CFAP77: variants seen among roughly 807,000 people sequenced by gnomAD.
CFAP77 encodes cilia and flagella associated protein 77, also known as cilia- and flagella-associated protein 77.
CFAP77 carries 25 observed loss-of-function variants against 31.1 expected under a neutral mutation model. The observed-to-expected ratio is 0.80, with a 90% CI of 0.59 to 1.12. The LOEUF is 1.12. Ranked by LOEUF, CFAP77 falls within the 50% of genes most tolerant of loss-of-function variation. The pLI is 0.00. For missense variants in CFAP77, 377 were observed against 397.3 expected (o/e 0.95, Z 0.44); for synonymous variants, 151 against 159.9 (o/e 0.94, Z 0.42).
chr9:132,451,605 C>T (rs1222879354), intron 1 of CFAP77, among the ~76,000 whole-genome samples: 1 of 152,042 alleles, frequency 6.6e-6, no homozygotes, highest in Non-Finnish European at 1.5e-5. Context: ...CCATAGTTCT[C>T]TCCTCTTCAT....
At chr9:132,428,588 CTGAG>C in intron 1 of CFAP77, among the ~76,000 whole-genome samples, 1 of 152,120 alleles carries the variant, frequency 6.6e-6, no homozygotes, top group Non-Finnish European at 1.5e-5. Flanking sequence ...GCACTCCAGC[CTGAG>C]CGACAGAGCG....
chr9:132,498,659 A>G lies in CFAP77; in HGVS notation c.196-36A>G, dbSNP rs1851784638. Reference sequence around the variant, plus strand: ...TACAATACATTTGGTCTGAGACTCCACTCCTCACCTCTGCTCTCTGTCCTT... The same window carrying G: ...TACAATACATTTGGTCTGAGACTCCGCTCCTCACCTCTGCTCTCTGTCCTT... On this transcript the variant is annotated intron_variant, in intron 1 of 5. Transcript: ENST00000393216. This position sits in a 1 kb window ranked among gnomAD's most constrained non-coding sequence, Gnocchi z 4.2. The G allele has an allele frequency of 1.3e-6, 2 of 1,499,648 alleles. No homozygotes were observed. Among genetic ancestry groups the G allele is most frequent in the Non-Finnish European group, 1.8e-6 (2 of 1,086,034 alleles). 92.9% of individuals were successfully genotyped at this position (1,499,648 alleles called of 1,614,324 possible). A position where few individuals can be genotyped will look rare whatever the true frequency, so the allele number is the denominator to read the frequency against.
At chr9:132,512,595 C>A (rs577527071) in intron 3 of CFAP77, among the ~76,000 whole-genome samples, 3 of 152,142 alleles carry the variant, frequency 2.0e-5, no homozygotes, top group Admixed American at 1.3e-4. Flanking sequence ...GTCTTGCTAC[C>A]TGTTGGCCCC....
In CFAP77 at chr9:132,498,842, C is replaced by T; in HGVS notation, c.295+48C>T. 1 of 1,364,492 alleles carries T rather than the reference C, an allele frequency of 7.3e-7. No individual in the cohort carries two copies. Among genetic ancestry groups the T allele is most frequent in the Non-Finnish European group, 1.0e-6 (1 of 971,240 alleles). The allele number at this position is 1,364,492 out of a possible 1,614,324, so 84.5% of individuals were successfully genotyped here. The stretch of plus-strand genomic sequence containing the variant: ...TGAGGGCAGAGGAGTGGGAGGGAGG[C>T]TCACCCCTCTTCACAGACCCCTTGA... On this transcript the variant is annotated intron_variant, in intron 2 of 5. Transcript: ENST00000393216. This position sits in a 1 kb window ranked among gnomAD's most constrained non-coding sequence, Gnocchi z 4.2.
intron 1 of CFAP77, among the ~76,000 whole-genome samples, chr9:132,478,640 G>A (rs1318645389): frequency 2.0e-5 from 3 of 152,224 alleles, no homozygotes; most frequent in African/African-American, 7.2e-5. Context: ...AAGGCAGATG[G>A]GGCCCGGCGT....
At chr9:132,446,035 C>T (rs748059447) in intron 1 of CFAP77, among the ~76,000 whole-genome samples, 2 of 151,978 alleles carry the variant, frequency 1.3e-5, no homozygotes, top group Non-Finnish European at 2.9e-5. Context: ...TAGTGACAGG[C>T]GTTTGCTGTT....
intron 3 of CFAP77, among the ~76,000 whole-genome samples, chr9:132,536,725 T>C (rs1311800254): frequency 6.6e-6 from 1 of 152,112 alleles, no homozygotes; most frequent in Non-Finnish European, 1.5e-5. Flanking sequence ...GGTTTGGCCA[T>C]TGTCCATTTG....
chr9:132,489,183 T>G (rs1851614017), intron 1 of CFAP77, among the ~76,000 whole-genome samples: 1 of 152,058 alleles, frequency 6.6e-6, no homozygotes. Context: ...CACTAAGGAG[T>G]GCCTCTTAAA....
intron 1 of CFAP77, chr9:132,482,238 G>T: frequency 1.1e-6 from 1 of 899,036 alleles, no homozygotes. Flanking sequence ...TGCTCACTCA[G>T]GGTCTGCTGG....
At position 132,564,833 on chromosome 9, in the gene CFAP77, G is replaced by A. The variant is rs944469036; in HGVS notation, c.733-7555G>A. Among the ~76,000 whole-genome samples, 4 of 152,298 alleles carry A rather than the reference G, an allele frequency of 2.6e-5. No homozygotes were observed. Among genetic ancestry groups the A allele is most frequent in the South Asian group, 2.1e-4 (1 of 4,820 alleles). On this transcript the variant is annotated intron_variant, in intron 5 of 5. Transcript: ENST00000393216. The surrounding 1 kb of genome is among the most constrained non-coding windows in gnomAD (Gnocchi z 4.6). ...AATGAGTTAGAAAATGGGGCCCACC[G>A]CTCTAGATGCGGGAAGCAAAGTGAG...
At chr9:132,559,332 G>A (rs1270591396) in intron 5 of CFAP77, among the ~76,000 whole-genome samples, 24 of 61,788 alleles carry the variant, frequency 3.9e-4, no homozygotes, top group African/African-American at 1.7e-3. Context: ...GCGTCAGAGT[G>A]AGACTCTGTC....
At chr9:132,457,179 C>A (rs913560031) in intron 1 of CFAP77, among the ~76,000 whole-genome samples, 1 of 151,960 alleles carries the variant, frequency 6.6e-6, no homozygotes, top group Non-Finnish European at 1.5e-5. Flanking sequence ...CCAAGGTTTG[C>A]GTATTCTCTG....
At chr9:132,531,708 C>A (rs1254076241) in intron 3 of CFAP77, among the ~76,000 whole-genome samples, 1 of 152,020 alleles carries the variant, frequency 6.6e-6, no homozygotes, top group Non-Finnish European at 1.5e-5. Context: ...GTCAAACCAG[C>A]TTCTCCACCT....
intron 1 of CFAP77, among the ~76,000 whole-genome samples, chr9:132,459,223 C>T (rs890797643): frequency 2.0e-5 from 3 of 152,098 alleles, no homozygotes; most frequent in Admixed American, 1.3e-4. Flanking sequence ...AGGCGCCCGC[C>T]ACCACGCCCA....
At position 132,499,308 on chromosome 9, in the gene CFAP77, C is replaced by T; in HGVS notation, c.296-64C>T. On this transcript the variant is annotated intron_variant, in intron 2 of 5. Coordinates refer to ENST00000393216, the MANE Select transcript of CFAP77 (RefSeq NM_001282957.2). This position sits in a 1 kb window ranked among gnomAD's most constrained non-coding sequence, Gnocchi z 5.4. ...CCGCGTGCCCCCATTTCTTCTCGAT[C>T]AGCTGCCTCAGGGTGCTTACTCCCA... 6.8e-7 allele frequency: 1 copy of T among 1,464,790 alleles called. No homozygotes were observed. Among genetic ancestry groups the T allele is most frequent in the African/African-American group, 1.4e-5 (1 of 72,038 alleles). 90.7% of individuals were successfully genotyped at this position (1,464,790 alleles called of 1,614,324 possible). A position where few individuals can be genotyped will look rare whatever the true frequency, so the allele number is the denominator to read the frequency against.
In CFAP77 at chr9:132,486,051, TGTATGTGTGTGTG is replaced by T. The variant is rs1564223174; in HGVS notation, c.196-12643_196-12631del. On this transcript the variant is annotated intron_variant, in intron 1 of 5. Transcript: ENST00000393216. ...ATATATATATATATATGTATGTATA[TGTATGTGTGTGTG>T]TGTATATATATATATATATATATAT... 1.4e-4 allele frequency among the ~76,000 whole-genome samples: 7 copies of T among 49,428 alleles called. 1 individual carries two copies. The highest frequency in any genetic ancestry group is 2.3e-4 in the Non-Finnish European group (7 of 29,936). The allele number at this position is 49,428 out of a possible 152,430, so 32.4% of individuals were successfully genotyped here.
chr9:132,572,563 G>A lies in CFAP77; in HGVS notation c.*53G>A, dbSNP rs894659216. ...ATCTTGACATAGTGGAAAATTCCCAGAAGGACTCCCTATCTTGCCCCAACC... is the reference window on the plus strand; with the variant it reads ...ATCTTGACATAGTGGAAAATTCCCAAAAGGACTCCCTATCTTGCCCCAACC... On this transcript the variant is annotated 3_prime_UTR_variant, in exon 6 of 6. Coordinates refer to ENST00000393216, the MANE Select transcript of CFAP77 (RefSeq NM_001282957.2). 7.1e-6 allele frequency: 11 copies of A among 1,540,496 alleles called. No individual in the cohort carries two copies. Among genetic ancestry groups the A allele is most frequent in the Non-Finnish European group, 8.7e-6 (10 of 1,144,794 alleles).
chr9:132,460,049 C>T (rs569573921), intron 1 of CFAP77, among the ~76,000 whole-genome samples: 15 of 152,248 alleles, frequency 9.9e-5, no homozygotes, highest in Middle Eastern at 3.4e-3. Flanking sequence ...GGGCATCGCA[C>T]CCTGAGGACT....
In CFAP77 at chr9:132,531,624, A is replaced by AT. The variant is rs1564242774; in HGVS notation, c.525-5976dup. 3.4e-3 allele frequency among the ~76,000 whole-genome samples: 279 copies of AT among 80,902 alleles called. 3 individuals are homozygous for AT. Among genetic ancestry groups the AT allele is most frequent in the African/African-American group, 0.017 (253 of 15,046 alleles). The allele number at this position is 80,902 out of a possible 152,430, so 53.1% of individuals were successfully genotyped here. On this transcript the variant is annotated intron_variant, in intron 3 of 5. Coordinates refer to ENST00000393216, the MANE Select transcript of CFAP77 (RefSeq NM_001282957.2). ...AATGAGTCTGGGCTTAGGCTAAGAC[A>AT]TGGGGGGGGGGGCATGGAAGGCATT...
Sources: allele counts gnomAD v4.1 joint callset (sites outside exome capture counted in the v4.1 genomes callset), GRCh38; gene constraint gnomAD v4.1.1; non-coding constraint Gnocchi (gnomAD v3.1); transcripts MANE v1.5; gene names NCBI Gene and HGNC (gene_info 2026-07-23, HGNC 2026-07-21).